RPRD1A: variants seen among roughly 807,000 people sequenced by gnomAD.
The protein encoded by RPRD1A is regulation of nuclear pre-mRNA domain containing 1A, also known as regulation of nuclear pre-mRNA domain-containing protein 1A.
A neutral mutation model predicts 37.8 loss-of-function variants in RPRD1A; 9 were observed. The ratio of observed to expected loss-of-function variants is 0.24; its 90% CI spans 0.14 to 0.42. RPRD1A has a LOEUF of 0.42. Ranked by LOEUF, RPRD1A falls within the 10% of genes least tolerant of loss-of-function variation. The pLI is 1.00. For synonymous variants in RPRD1A, 138 were observed against 139.7 expected, an observed-to-expected ratio of 0.99 and a Z score of 0.08; for missense variants, 255 against 371.0, an observed-to-expected ratio of 0.69 and a Z score of 2.57.
chr18:36,040,699 A>G (rs1046186424), intron 1 of RPRD1A: 6 of 575,474 alleles, frequency 1.0e-5, no homozygotes, highest in Non-Finnish European at 1.7e-5. Context: ...TTTGCCTTTC[A>G]TTTTTCTATG....
At chr18:36,065,017 G>A (rs2088999357) in intron 1 of RPRD1A, among the ~76,000 whole-genome samples, 1 of 151,862 alleles carries the variant, frequency 6.6e-6, no homozygotes, top group South Asian at 2.1e-4. Flanking sequence ...TGAAGCCAGC[G>A]AGACCACAAA....
At chr18:36,015,439 C>T (rs1358680463) in intron 6 of RPRD1A, among the ~76,000 whole-genome samples, 1 of 152,018 alleles carries the variant, frequency 6.6e-6, no homozygotes, top group Non-Finnish European at 1.5e-5. Context: ...TCTCAAACTC[C>T]CGACATAAAA....
chr18:36,040,903 CCTT>C, intron 1 of RPRD1A: 1 of 1,212,490 alleles, frequency 8.2e-7, no homozygotes, highest in Non-Finnish European at 1.1e-6. Context: ...ATTTACTACA[CCTT>C]CTAGAATTAA....
chr18:36,054,141 A>C (rs931329441), intron 1 of RPRD1A, among the ~76,000 whole-genome samples: 1 of 152,216 alleles, frequency 6.6e-6, no homozygotes, highest in African/African-American at 2.4e-5. Context: ...AAGTAAAAAC[A>C]CCATATAAAG....
At chr18:35,997,447 G>T (rs1019628821) in intron 6 of RPRD1A, among the ~76,000 whole-genome samples, 1 of 152,164 alleles carries the variant, frequency 6.6e-6, no homozygotes, top group Non-Finnish European at 1.5e-5. Flanking sequence ...TCACACATGT[G>T]TATATACATA....
intron 1 of RPRD1A, among the ~76,000 whole-genome samples, chr18:36,066,541 C>G (rs1397581312): frequency 1.3e-5 from 2 of 152,176 alleles, no homozygotes; most frequent in East Asian, 3.8e-4. Context: ...TGAACTGATT[C>G]TGAATATTTT....
chr18:36,004,296 C>T (rs999167316), intron 6 of RPRD1A, among the ~76,000 whole-genome samples: 2 of 152,076 alleles, frequency 1.3e-5, no homozygotes, highest in Non-Finnish European at 2.9e-5. Flanking sequence ...ACTCTGTCAC[C>T]CTGGCTGAAA....
intron 1 of RPRD1A, among the ~76,000 whole-genome samples, chr18:36,053,938 TAGA>T (rs144466077): frequency 2.0e-4 from 30 of 152,102 alleles, no homozygotes; most frequent in African/African-American, 5.5e-4. Flanking sequence ...CATAGGCAAC[TAGA>T]AGATTAGTAA....
chr18:36,017,783 C>G (rs909336746), intron 6 of RPRD1A, among the ~76,000 whole-genome samples: 54 of 152,122 alleles, frequency 3.5e-4, no homozygotes, highest in African/African-American at 1.3e-3. Context: ...GTGTAAATTC[C>G]TCTCTGTTAC....
intron 2 of RPRD1A, 119 bp downstream of exon 2, chr18:36,033,588 TA>T: frequency 1.3e-6 from 1 of 764,238 alleles, no homozygotes; most frequent in Non-Finnish European, 1.9e-6. Context: ...TCTTTTCAAA[TA>T]AAAGCATCAA....
Position 35,991,714 on chromosome 18 carries a change from T to A in RPRD1A, c.*1437A>T, listed in dbSNP as rs1225451669. 3 of 152,280 alleles carry A rather than the reference T, an allele frequency of 2.0e-5. 1 individual carries two copies. The highest frequency in any genetic ancestry group is 7.2e-5 in the African/African-American group (3 of 41,556). The allele number at this position is 152,280 out of a possible 1,614,324, so 9.4% of individuals were successfully genotyped here. On this transcript the variant is annotated 3_prime_UTR_variant, in exon 7 of 7. Coordinates refer to ENST00000399022, the MANE Select transcript of RPRD1A (RefSeq NM_018170.5). ...CTGTTTTGGAGAGAGGTCAAATTGT[T>A]AAAAGAACTATTTGCAGAACTACTT...
At chr18:36,030,765 GAAGTAA>G (rs759672250) in intron 4 of RPRD1A, 37 bp downstream of exon 4, 1 of 1,169,030 alleles carries the variant, frequency 8.6e-7, no homozygotes, top group Admixed American at 2.1e-5. Flanking sequence ...GTGGCAACAT[GAAGTAA>G]AAGTTTGTAA....
Position 36,007,532 on chromosome 18 carries a change from A to G in RPRD1A, c.790-14232T>C, listed in dbSNP as rs529925256. On this transcript the variant is annotated intron_variant, in intron 6 of 6. Transcript: ENST00000399022. ...GGACACTGCTTCTTTACATCTCACAAAAAAGCAAAAGAATATAACTGTTAC... is the reference window on the plus strand; with the variant it reads ...GGACACTGCTTCTTTACATCTCACAGAAAAGCAAAAGAATATAACTGTTAC... Among the ~76,000 whole-genome samples, 18 of 152,354 alleles carry G rather than the reference A, an allele frequency of 1.2e-4. No homozygotes were observed. The South Asian group carries it at 1.2e-3, about 11-fold the overall frequency.
chr18:36,015,202 AC>A (rs1346702402), intron 6 of RPRD1A, among the ~76,000 whole-genome samples: 2 of 127,782 alleles, frequency 1.6e-5, no homozygotes, highest in East Asian at 2.2e-4. Flanking sequence ...ACACACACAC[AC>A]ATTCACATAC....
At chr18:36,019,895 A>C (rs1598618768) in intron 6 of RPRD1A, among the ~76,000 whole-genome samples, 1 of 152,006 alleles carries the variant, frequency 6.6e-6, no homozygotes, top group South Asian at 2.1e-4. Context: ...CAAAAATTAG[A>C]CAGCCGTGAT....
chr18:36,042,180 G>T (rs549701622), intron 1 of RPRD1A, among the ~76,000 whole-genome samples: 9 of 152,058 alleles, frequency 5.9e-5, no homozygotes, highest in Non-Finnish European at 5.9e-5. Context: ...CAGTTAAATG[G>T]GTTCCTCCAG....
chr18:36,019,459 C>A (rs1004610689), intron 6 of RPRD1A, among the ~76,000 whole-genome samples: 24 of 151,984 alleles, frequency 1.6e-4, no homozygotes, highest in African/African-American at 5.8e-4. Flanking sequence ...CTTAAAAGAT[C>A]CATATGGTTG....
intron 6 of RPRD1A, among the ~76,000 whole-genome samples, chr18:36,001,826 G>A (rs562780480): frequency 6.6e-6 from 1 of 152,166 alleles, no homozygotes; most frequent in South Asian, 2.1e-4. Context: ...CTTGTTATTC[G>A]ACCTCTTTTT....
intron 1 of RPRD1A, among the ~76,000 whole-genome samples, chr18:36,061,405 T>C (rs1311511034): frequency 6.6e-6 from 1 of 152,152 alleles, no homozygotes; most frequent in Non-Finnish European, 1.5e-5. Flanking sequence ...AAGAGGCTGG[T>C]ACAAAGGATA....
Sources: allele counts gnomAD v4.1 joint callset (sites outside exome capture counted in the v4.1 genomes callset), GRCh38; gene constraint gnomAD v4.1.1; transcripts MANE v1.5; gene names NCBI Gene and HGNC (gene_info 2026-07-23, HGNC 2026-07-21).